PARP9: variants seen among roughly 807,000 people sequenced by gnomAD.
The protein encoded by PARP9 is poly(ADP-ribose) polymerase family member 9.
PARP9 carries 48 observed loss-of-function variants against 68.8 expected under a neutral mutation model. That is an observed-to-expected ratio of 0.70 (90% CI 0.55 to 0.89). The LOEUF (loss-of-function observed/expected upper bound fraction) is 0.89. PARP9 is among the 40% of genes least tolerant of loss of function. The pLI is 0.00. For synonymous variants in PARP9, 309 were observed against 333.8 expected, an observed-to-expected ratio of 0.93 and a Z score of 0.81; for missense variants, 806 against 969.3, an observed-to-expected ratio of 0.83 and a Z score of 2.24.
chr3:122,549,881 T>C (rs916306340), intron 6 of PARP9, among the ~76,000 whole-genome samples: 2 of 151,986 alleles, frequency 1.3e-5, no homozygotes, highest in African/African-American at 4.8e-5. Flanking sequence ...TGAGAGAGGA[T>C]TGGCTAAGAA....
chr3:122,536,241 A>G lies in PARP9; in HGVS notation c.2007T>C (p.Phe669=), dbSNP rs2077628920. 1.2e-6 allele frequency: 2 copies of G among 1,614,214 alleles called. No homozygotes were observed. Among genetic ancestry groups the G allele is most frequent in the East Asian group, 2.2e-5 (1 of 44,890 alleles). ...LHRQPVSHRL[F]QQVPYQFCNV... ...TGCAGAACTGGTATGGGACTTGCTG[A>G]AACAGCCTATGGCTCACAGGTTGCC... is the stretch of plus-strand genomic sequence containing the variant. The change falls in exon 10 of 11, where the codon TTT becomes TTC. Residue 669 remains phenylalanine, a synonymous_variant. Coordinates refer to ENST00000682323, the MANE Select transcript of PARP9 (RefSeq NM_001146105.2).
intron 2 of PARP9, 96 bp downstream of exon 2, chr3:122,559,510 A>T: frequency 7.9e-7 from 1 of 1,260,440 alleles, no homozygotes; most frequent in Non-Finnish European, 1.1e-6. Flanking sequence ...TGAGGATGTC[A>T]ACTGTTGGTG....
rs769405622 is a variant in PARP9, at chr3:122,555,442, C to A, written c.729G>T (p.Val243=). 1 of 1,614,144 alleles carries A rather than the reference C, an allele frequency of 6.2e-7. No individual in the cohort carries two copies. The highest frequency in any genetic ancestry group is 1.7e-5 in the Admixed American group (1 of 60,016). ...MMSNLKEIHL[V]SNEDPTVAAF... ...CAGCAACAGTAGGGTCCTCATTGCTCACCAGGTGAATTTCTTTCAAATTAC... is the reference window on the plus strand; with the variant it reads ...CAGCAACAGTAGGGTCCTCATTGCTAACCAGGTGAATTTCTTTCAAATTAC... The change falls in exon 4 of 11, where the codon GTG becomes GTT. Residue 243 remains valine (V), a synonymous_variant. Transcript: ENST00000682323.
At chr3:122,539,922 A>T (rs1050140555) in intron 8 of PARP9, among the ~76,000 whole-genome samples, 2 of 152,152 alleles carry the variant, frequency 1.3e-5, no homozygotes, top group African/African-American at 4.8e-5. Flanking sequence ...TGTTAAAAGG[A>T]TCTCTCCAGA....
At position 122,528,695 on chromosome 3, in the gene PARP9, A is replaced by T; in HGVS notation, c.2129T>A (p.Leu710Gln). 7 of 1,613,862 alleles carry T rather than the reference A, an allele frequency of 4.3e-6. No individual in the cohort carries two copies. The highest frequency in any genetic ancestry group is 5.9e-6 in the Non-Finnish European group (7 of 1,179,810). The change falls in exon 11 of 11, where the codon CTG (leucine) becomes CAG (glutamine). Residue 710 changes from leucine to glutamine, a missense_variant. Leu to Gln is a moderately radical substitution (Grantham distance 113). This residue lies in a region of PARP9 where 680 missense variants were observed against 858.8 expected (regional missense o/e 0.79). Coordinates refer to ENST00000682323, the MANE Select transcript of PARP9 (RefSeq NM_001146105.2). ...AGAGATTTTCTTGGCCTTCTCTGCC[A>T]GGTTTTTGAGGTTCTTGGTGAAGTA... ...GIYFTKNLKN[L>Q]AEKAKKISAA...
intron 8 of PARP9, among the ~76,000 whole-genome samples, chr3:122,538,271 A>G (rs2077805587): frequency 6.6e-6 from 1 of 152,202 alleles, no homozygotes; most frequent in Admixed American, 6.5e-5. Flanking sequence ...CTCCTCCTAC[A>G]TGTCAGGCAC....
intron 4 of PARP9, among the ~76,000 whole-genome samples, chr3:122,553,293 G>A (rs1180317057): frequency 3.3e-5 from 5 of 151,780 alleles, no homozygotes; most frequent in Non-Finnish European, 7.4e-5. Flanking sequence ...AGATAACATC[G>A]TCTCCTAGTT....
chr3:122,563,210 T>G (rs2080388207), intron 1 of PARP9, among the ~76,000 whole-genome samples: 1 of 152,182 alleles, frequency 6.6e-6, no homozygotes, highest in South Asian at 2.1e-4. Flanking sequence ...TCAGGTCATC[T>G]TCACTGCTCT....
intron 10 of PARP9, 43 bp downstream of exon 10, chr3:122,536,125 A>G: frequency 6.2e-7 from 1 of 1,613,940 alleles, no homozygotes; most frequent in South Asian, 1.1e-5. Flanking sequence ...TCAGCTCACC[A>G]AATTCCACAG....
intron 4 of PARP9, 84 bp from the exon 5 acceptor site, chr3:122,552,723 C>T (rs1223957866): frequency 2.3e-5 from 23 of 1,013,944 alleles, no homozygotes; most frequent in Non-Finnish European, 3.1e-5. Flanking sequence ...CCCTGAAGAG[C>T]TTTGAAAAAT....
Position 122,534,477 on chromosome 3 carries a change from T to C in PARP9, c.2080+1691A>G, listed in dbSNP as rs142622907. On this transcript the variant is annotated intron_variant, in intron 10 of 10. Transcript: ENST00000682323. ...GTGTGAGCCAGTGGCTGTTGTGTGT[T>C]TTGCTTCTCCCCTTTCAACATGAGA... The C allele has an allele frequency of 1.1e-4, 103 of 970,956 alleles. No homozygotes were observed. The African/African-American group carries it at 1.7e-3, about 16-fold the overall frequency. The allele number at this position is 970,956 out of a possible 1,614,324, so 60.1% of individuals were successfully genotyped here. A position where few individuals can be genotyped will look rare whatever the true frequency, so the allele number is the denominator to read the frequency against.
intron 8 of PARP9, among the ~76,000 whole-genome samples, chr3:122,538,275 C>G (rs2077806567): frequency 6.6e-6 from 1 of 152,186 alleles, no homozygotes. Context: ...TCCTACATGT[C>G]AGGCACTGGG....
intron 5 of PARP9, 112 bp downstream of exon 5, chr3:122,552,306 T>C (rs753753442): frequency 1.4e-5 from 11 of 805,868 alleles, no homozygotes; most frequent in Non-Finnish European, 1.9e-5. Context: ...TTGAGAACTA[T>C]ACCACTTGAC....
intron 3 of PARP9, among the ~76,000 whole-genome samples, chr3:122,557,117 T>A (rs963157686): frequency 6.6e-6 from 1 of 152,184 alleles, no homozygotes; most frequent in Non-Finnish European, 1.5e-5. Context: ...ATACCTGTTA[T>A]CAATTGATGG....
At chr3:122,556,290 T>A (rs938883878) in intron 3 of PARP9, among the ~76,000 whole-genome samples, 169 bp from the exon 4 acceptor site, 1 of 151,538 alleles carries the variant, frequency 6.6e-6, no homozygotes, top group Non-Finnish European at 1.5e-5. Context: ...ACTACACATA[T>A]AATTAGACCA....
At chr3:122,534,702 G>A (rs147629817) in intron 10 of PARP9, 5 of 191,332 alleles carry the variant, frequency 2.6e-5, no homozygotes, top group Admixed American at 6.5e-5. Context: ...ATGAAACCTC[G>A]TCTCTACTAA....
chr3:122,564,470 T>C (rs1475989617), upstream of PARP9: 1 of 1,612,468 alleles, frequency 6.2e-7, no homozygotes, highest in Admixed American at 1.7e-5. Flanking sequence ...CTCGTGCGGG[T>C]GTACAAGTCC....
At chr3:122,529,019 G>A (rs374661957) in intron 10 of PARP9, among the ~76,000 whole-genome samples, 27 of 151,896 alleles carry the variant, frequency 1.8e-4, no homozygotes, top group African/African-American at 6.0e-4. Context: ...AGGCTGAGGC[G>A]GGTGGAACAC....
At chr3:122,553,525 T>A (rs2079387469) in intron 4 of PARP9, among the ~76,000 whole-genome samples, 1 of 152,348 alleles carries the variant, frequency 6.6e-6, no homozygotes, top group South Asian at 2.1e-4. Context: ...GCAATAAATA[T>A]ACCTTAAAAA....
Sources: gnomAD v4.1 joint callset for allele counts (sites outside exome capture counted in the v4.1 genomes callset) on GRCh38, gnomAD v4.1.1 for gene constraint, gnomAD v4.1.1 regional missense constraint, MANE v1.5 for transcripts, NCBI Gene and HGNC (gene_info 2026-07-23, HGNC 2026-07-21) for gene names.